Variants in JCAD observed in about 807,000 individuals in gnomAD.
The protein encoded by JCAD is junctional cadherin 5 associated, also known as junctional cadherin 5-associated protein.
JCAD carries 40 observed loss-of-function variants against 98.0 expected under a neutral mutation model. The observed-to-expected ratio is 0.41, with a 90% CI of 0.32 to 0.53. The LOEUF (loss-of-function observed/expected upper bound fraction) is 0.53, where lower values mean the gene tolerates loss of function less well. JCAD is among the 20% of genes least tolerant of loss of function. The probability of loss-of-function intolerance (pLI) is 0.31; values close to 1 mark genes in which losing one functional copy is unlikely to be tolerated. For synonymous variants in JCAD, 691 were observed against 682.3 expected (o/e 1.01, Z -0.20); for missense variants, 1,705 against 1,738.1 (o/e 0.98, Z 0.34).
Position 30,046,899 on chromosome 10 carries a change from C to T in JCAD, c.281+633G>A, listed in dbSNP as rs145805759. Among the ~76,000 whole-genome samples, 1,177 of 152,136 alleles carry T rather than the reference C, an allele frequency of 7.7e-3. 18 individuals carry two copies. Among genetic ancestry groups the T allele is most frequent in the South Asian group, 0.055 (264 of 4,822 alleles). On this transcript the variant is annotated intron_variant, in intron 2 of 3. Coordinates refer to ENST00000375377, the MANE Select transcript of JCAD (RefSeq NM_020848.4). ...ATGAGGCCAGGAGTTAGAGATCAGC[C>T]TGGGCAACACAGTGAGACTCTGTCT...
intron 1 of JCAD, among the ~76,000 whole-genome samples, chr10:30,078,655 T>C (rs961578811): frequency 1.3e-5 from 2 of 152,208 alleles, no homozygotes; most frequent in Non-Finnish European, 2.9e-5. Context: ...GAGTCGCTCC[T>C]TTAATGATCA....
intron 1 of JCAD, among the ~76,000 whole-genome samples, chr10:30,090,010 T>C (rs1326152041): frequency 6.6e-6 from 1 of 152,226 alleles, no homozygotes; most frequent in Non-Finnish European, 1.5e-5. Flanking sequence ...AGAGAATATG[T>C]GGTCATTTTC....
intron 1 of JCAD, among the ~76,000 whole-genome samples, chr10:30,096,349 AAATGCTACCT>A (rs1454449751): frequency 6.6e-6 from 1 of 152,224 alleles, no homozygotes; most frequent in African/African-American, 2.4e-5. Flanking sequence ...AAGATGTGGA[AAATGCTACCT>A]ACCTTGCAGA....
intron 1 of JCAD, among the ~76,000 whole-genome samples, chr10:30,088,209 G>A (rs1220068280): frequency 6.6e-6 from 1 of 152,226 alleles, no homozygotes; most frequent in Non-Finnish European, 1.5e-5. Context: ...AAAGTAGGCT[G>A]AGTGTGAAAA....
intron 1 of JCAD, among the ~76,000 whole-genome samples, chr10:30,107,804 A>G (rs1234845226): frequency 1.3e-5 from 2 of 152,186 alleles, no homozygotes; most frequent in Non-Finnish European, 2.9e-5. Flanking sequence ...AAAACACATT[A>G]TCCAAGGAAG....
chr10:30,079,683 T>G (rs1441941490), intron 1 of JCAD, among the ~76,000 whole-genome samples: 1 of 152,140 alleles, frequency 6.6e-6, no homozygotes, highest in Non-Finnish European at 1.5e-5. Context: ...ACTGAAAGAC[T>G]AGAGAGCAGT....
At chr10:30,109,218 A>C (rs916073912) in intron 1 of JCAD, among the ~76,000 whole-genome samples, 1 of 152,178 alleles carries the variant, frequency 6.6e-6, no homozygotes. Context: ...CCTTGATGGG[A>C]CAAAGAAGCC....
intron 1 of JCAD, among the ~76,000 whole-genome samples, chr10:30,080,358 C>T (rs561514186): frequency 6.6e-6 from 1 of 152,296 alleles, no homozygotes; most frequent in South Asian, 2.1e-4. Flanking sequence ...CCACCCTTCT[C>T]TCTCTTTCCC....
At chr10:30,024,952 C>G (rs1836756940) in intron 3 of JCAD, among the ~76,000 whole-genome samples, 4 of 152,104 alleles carry the variant, frequency 2.6e-5, no homozygotes, top group Admixed American at 1.3e-4. Context: ...GCCTCGGCCT[C>G]CCAAAGTGTT....
At chr10:30,031,262 G>A (rs986321762) in intron 2 of JCAD, among the ~76,000 whole-genome samples, 1 of 151,904 alleles carries the variant, frequency 6.6e-6, no homozygotes, top group Non-Finnish European at 1.5e-5. Flanking sequence ...AAGTAGCTGG[G>A]ACTGACTACA....
chr10:30,033,007 C>T (rs1837034942), intron 2 of JCAD, among the ~76,000 whole-genome samples: 1 of 152,158 alleles, frequency 6.6e-6, no homozygotes, highest in Non-Finnish European at 1.5e-5. Context: ...CATGCTGTAC[C>T]ATGCATGGTG....
chr10:30,027,787 A>T lies in JCAD; in HGVS notation c.2361T>A (p.Asp787Glu), dbSNP rs1206362902. ...PKAGRSQPCV[D>E]VHGLGAHPGP... Reference sequence around the variant, plus strand: ...CAGGGTGGGCTCCAAGCCCGTGGACATCCACGCAGGGCTGACTTCGGCCTG... The same window carrying T: ...CAGGGTGGGCTCCAAGCCCGTGGACTTCCACGCAGGGCTGACTTCGGCCTG... The change falls in exon 3 of 4, where the codon GAT (aspartate) becomes GAA (glutamate). Residue 787 changes from aspartate to glutamate, a missense_variant. By Grantham distance (45) the Asp-to-Glu change is conservative (BLOSUM62 2). Transcript: ENST00000375377. 21 of 1,614,060 alleles carry T rather than the reference A, an allele frequency of 1.3e-5. No individual in the cohort carries two copies. Among genetic ancestry groups the T allele is most frequent in the Non-Finnish European group, 1.8e-5 (21 of 1,180,010 alleles).
rs1166659566 is a variant in JCAD, at chr10:30,028,701, G to A, written c.1447C>T (p.Pro483Ser). ...AIWNPQSLIP[P>S]SGDERGLVLA... ...ACCAGGCCTCTCTCATCCCCCGACG[G>A]GGGTATTAAGCTCTGTGGATTCCAA... The change falls in exon 3 of 4, where the codon CCG (proline) becomes TCG (serine). Residue 483 changes from proline to serine, a missense_variant. By Grantham distance (74) the Pro-to-Ser change is moderately conservative (BLOSUM62 -1). Transcript: ENST00000375377. 1 of 1,611,390 alleles carries A rather than the reference G, an allele frequency of 6.2e-7. No individual in the cohort carries two copies. The highest frequency in any genetic ancestry group is 8.5e-7 in the Non-Finnish European group (1 of 1,178,438).
intron 1 of JCAD, among the ~76,000 whole-genome samples, chr10:30,050,597 G>A (rs1161652239): frequency 2.0e-5 from 3 of 152,212 alleles, no homozygotes; most frequent in African/African-American, 7.2e-5. Flanking sequence ...TTGTGCTACA[G>A]TCCATTTGTC....
chr10:30,050,900 A>G (rs545902019), intron 1 of JCAD, among the ~76,000 whole-genome samples: 163 of 152,354 alleles, frequency 1.1e-3, no homozygotes, highest in Admixed American at 2.9e-3. Context: ...GTACTGGCAC[A>G]CTTTCATTCA....
chr10:30,024,135 A>AT (rs1215841972), intron 3 of JCAD, among the ~76,000 whole-genome samples: 1 of 152,244 alleles, frequency 6.6e-6, no homozygotes, highest in African/African-American at 2.4e-5. Context: ...ACTGCACTCC[A>AT]GCCTGGGCCA....
rs745680553 is a variant in JCAD, at chr10:30,029,821, A to C, written c.327T>G (p.Thr109=). The stretch of plus-strand genomic sequence containing the variant: ...TTCTCCGGTAGGCTTGGTCGTTACC[A>C]GTCGGGGGATGAGAGGACCATGCTG... The part of the protein sequence containing the change: ...PPSAWSSHPP[T]GNDQAYRRRG... The change falls in exon 3 of 4, where the codon ACT becomes ACG. Residue 109 remains threonine (T), a synonymous_variant. Transcript: ENST00000375377. The C allele has an allele frequency of 5.0e-6, 8 of 1,614,144 alleles. No homozygotes were observed. The highest frequency in any genetic ancestry group is 6.8e-6 in the Non-Finnish European group (8 of 1,180,028).
rs1589670554 is a variant in JCAD, at chr10:30,014,094, T to C, written c.*3789A>G. ...CTTCTTAGTGTGGTGGGTCCCAGAG[T>C]GGACCAACCCACACTCCTGGAGAAG... On this transcript the variant is annotated 3_prime_UTR_variant, in exon 4 of 4. Transcript: ENST00000375377. 1 of 152,250 alleles carries C rather than the reference T, an allele frequency of 6.6e-6. No homozygotes were observed. The highest frequency in any genetic ancestry group is 1.9e-4 in the East Asian group (1 of 5,190). The allele number at this position is 152,250 out of a possible 1,614,324, so 9.4% of individuals were successfully genotyped here.
At chr10:30,068,903 A>G (rs1182751035) in intron 2 of JCAD, among the ~76,000 whole-genome samples, 3 of 152,226 alleles carry the variant, frequency 2.0e-5, no homozygotes, top group Admixed American at 2.0e-4. Context: ...TGAAAATCCC[A>G]GTAATGGCTG....
Sources: allele counts gnomAD v4.1 joint callset (sites outside exome capture counted in the v4.1 genomes callset), GRCh38; gene constraint gnomAD v4.1.1; transcripts MANE v1.5; gene names NCBI Gene and HGNC (gene_info 2026-07-23, HGNC 2026-07-21).